Variants in FMNL3 observed in about 807,000 individuals in gnomAD.
The protein encoded by FMNL3 is formin-like protein 3.
In FMNL3, 57 loss-of-function variants were observed where a neutral mutation model predicts 119.6. The observed-to-expected ratio is 0.48, with a 90% CI of 0.39 to 0.59. The LOEUF is 0.59. Ranked by LOEUF, FMNL3 falls within the 20% of genes least tolerant of loss-of-function variation. FMNL3 has a pLI of 0.00. For missense variants in FMNL3, 1,053 were observed against 1,323.5 expected (o/e 0.80, Z 3.17); for synonymous variants, 491 against 507.3 (o/e 0.97, Z 0.43).
rs375733550 is a variant in FMNL3 at position 49,643,988 on chromosome 12, G to C, written c.*1827C>G. ...CTCCCTAACCGTTCCCCAGGCTTTG[G>C]AATCAAGAAGGAGAAGGTGAGGGGC... On this transcript the variant is annotated 3_prime_UTR_variant, in exon 26 of 26. Coordinates refer to ENST00000335154, the MANE Select transcript of FMNL3 (RefSeq NM_175736.5). 6.2e-6 allele frequency: 10 copies of C among 1,614,158 alleles called. No homozygotes were observed. In the South Asian group the frequency reaches 9.9e-5, roughly 16 times the overall value.
At position 49,642,494 on chromosome 12, in the gene FMNL3, G is replaced by A. The variant is rs1942806987; in HGVS notation, c.*3321C>T. On this transcript the variant is annotated 3_prime_UTR_variant, in exon 26 of 26. Transcript: ENST00000335154. The surrounding 1 kb of genome is among the most constrained non-coding windows in gnomAD (Gnocchi z 5.8). Reference sequence around the variant, plus strand: ...CAGCTCCAGTTCCCTTCCTTTCTCTGCCCCAGCCCTGCCCTGTGCTCATGG... The same window carrying A: ...CAGCTCCAGTTCCCTTCCTTTCTCTACCCCAGCCCTGCCCTGTGCTCATGG... 6.3e-7 allele frequency: 1 copy of A among 1,580,414 alleles called. No homozygotes were observed. The highest frequency in any genetic ancestry group is 8.7e-7 in the Non-Finnish European group (1 of 1,151,822).
intron 1 of FMNL3, among the ~76,000 whole-genome samples, chr12:49,679,438 T>C (rs1015765043): frequency 6.6e-6 from 1 of 151,906 alleles, no homozygotes; most frequent in Admixed American, 6.6e-5. Context: ...TGTGCATTCC[T>C]TCCTCTGAAT....
rs1343610019 is a variant in FMNL3 at position 49,644,711 on chromosome 12, G to C, written c.*1104C>G. On this transcript the variant is annotated 3_prime_UTR_variant, in exon 26 of 26. Coordinates refer to ENST00000335154, the MANE Select transcript of FMNL3 (RefSeq NM_175736.5). The stretch of plus-strand genomic sequence containing the variant: ...TGCTACTGGGGCAGGCTGGGGACTG[G>C]ACACATGCCCAGCAGAGGGCACTAG... The C allele has an allele frequency of 1.2e-5, 2 of 171,280 alleles. No individual in the cohort carries two copies. Among genetic ancestry groups the C allele is most frequent in the African/African-American group, 4.8e-5 (2 of 41,952 alleles). 10.6% of individuals were successfully genotyped at this position (171,280 alleles called of 1,614,324 possible). A position where few individuals can be genotyped will look rare whatever the true frequency, so the allele number is the denominator to read the frequency against.
Position 49,656,871 on chromosome 12 carries a change from G to A in FMNL3, c.743C>T (p.Pro248Leu). The A allele has an allele frequency of 6.2e-7, 1 of 1,614,140 alleles. No homozygotes were observed. Among genetic ancestry groups the A allele is most frequent in the Non-Finnish European group, 8.5e-7 (1 of 1,180,012 alleles). The change falls in exon 8 of 26, where the codon CCC becomes CTC. Residue 248 changes from proline (P) to leucine (L), a missense_variant. Physicochemically the swap from Pro to Leu is moderately conservative, Grantham distance 98. This residue lies in a region of FMNL3 where 445 missense variants were observed against 628.4 expected (regional missense o/e 0.71). Coordinates refer to ENST00000335154, the MANE Select transcript of FMNL3 (RefSeq NM_175736.5). Reference protein sequence around the residue: ...QYGFNLVMSHPHAVNEIALSL... With the variant: ...QYGFNLVMSHLHAVNEIALSL... ...AAGTGCAATCTCATTGACAGCATGG[G>A]GGTGGGACATGACCAGGTTGAATCC...
intron 1 of FMNL3, among the ~76,000 whole-genome samples, chr12:49,694,605 A>G (rs542856618): frequency 6.6e-6 from 1 of 152,320 alleles, no homozygotes; most frequent in South Asian, 2.1e-4. Context: ...TTTCACCCAG[A>G]TAATTAGTAT....
chr12:49,655,146 C>G (rs917046352), intron 9 of FMNL3, among the ~76,000 whole-genome samples, 162 bp from the exon 10 acceptor site: 1 of 152,120 alleles, frequency 6.6e-6, no homozygotes, highest in Non-Finnish European at 1.5e-5. Flanking sequence ...AAAAGAAAAC[C>G]TGGGGCCAGG....
rs532941939 is a variant in FMNL3, at chr12:49,671,782, C to G, written c.127-3228G>C. 3.0e-3 allele frequency among the ~76,000 whole-genome samples: 463 copies of G among 152,308 alleles called. 2 individuals carry two copies. Among genetic ancestry groups the G allele is most frequent in the Non-Finnish European group, 5.0e-3 (342 of 68,020 alleles). Reference sequence around the variant, plus strand: ...TTTTTCTTCAGTGGTTCCACAGACACTGTAGGCTCCCAGAAGGCAGAAGCT... The same window carrying G: ...TTTTTCTTCAGTGGTTCCACAGACAGTGTAGGCTCCCAGAAGGCAGAAGCT... On this transcript the variant is annotated intron_variant, in intron 1 of 25. Transcript: ENST00000335154.
intron 1 of FMNL3, among the ~76,000 whole-genome samples, chr12:49,693,002 G>A (rs1944646430): frequency 6.6e-6 from 1 of 152,168 alleles, no homozygotes. Flanking sequence ...ACGAAAGAGG[G>A]CTAATGTGGA....
At chr12:49,678,597 G>A (rs912208579) in intron 1 of FMNL3, among the ~76,000 whole-genome samples, 1 of 152,080 alleles carries the variant, frequency 6.6e-6, no homozygotes, top group African/African-American at 2.4e-5. Context: ...CAAGTAGCTA[G>A]GACTACAGGT....
chr12:49,690,616 C>T (rs1338871197), intron 1 of FMNL3, among the ~76,000 whole-genome samples: 2 of 152,134 alleles, frequency 1.3e-5, no homozygotes, highest in African/African-American at 2.4e-5. Flanking sequence ...TAGCTAAGAT[C>T]CAAACCCAAA....
Position 49,643,371 on chromosome 12 carries a change from C to G in FMNL3, c.*2444G>C. ...GGTGCTGCCCTTGGAGGACGGGGCT[C>G]CCCTTCCTCCCATCTTCTTGGAGCA... is the stretch of plus-strand genomic sequence containing the variant. On this transcript the variant is annotated 3_prime_UTR_variant, in exon 26 of 26. Transcript: ENST00000335154. The G allele has an allele frequency of 6.4e-7, 1 of 1,573,074 alleles. No individual in the cohort carries two copies. The highest frequency in any genetic ancestry group is 8.6e-7 in the Non-Finnish European group (1 of 1,160,980).
chr12:49,682,543 T>G (rs181840946), intron 1 of FMNL3, among the ~76,000 whole-genome samples: 19 of 152,124 alleles, frequency 1.2e-4, no homozygotes, highest in Admixed American at 1.2e-3. Context: ...GACAAGGTCT[T>G]GCTATGTTGC....
At chr12:49,677,985 C>T (rs1364552791) in intron 1 of FMNL3, among the ~76,000 whole-genome samples, 2 of 152,124 alleles carry the variant, frequency 1.3e-5, no homozygotes, top group African/African-American at 4.8e-5. Context: ...GCCTCAGCCT[C>T]CCAAGTAGCT....
intron 25 of FMNL3, among the ~76,000 whole-genome samples, chr12:49,646,160 GA>G (rs944093428): frequency 6.6e-6 from 1 of 152,154 alleles, no homozygotes; most frequent in African/African-American, 2.4e-5. Context: ...GATGCATTCA[GA>G]AAGAGCCAGA....
At chr12:49,650,527 C>T (rs1416692080) in intron 17 of FMNL3, 149 bp downstream of exon 17, 1 of 851,800 alleles carries the variant, frequency 1.2e-6, no homozygotes, top group South Asian at 1.7e-5. Context: ...AGCACAGATG[C>T]AGTAAATTCT....
intron 15 of FMNL3, 22 bp from the exon 16 acceptor site, chr12:49,651,314 T>G (rs1943391797): frequency 6.2e-7 from 1 of 1,608,736 alleles, no homozygotes; most frequent in South Asian, 1.1e-5. Context: ...GGAGGATCAG[T>G]GACACAGGGG....
chr12:49,679,510 C>T (rs1003642850), intron 1 of FMNL3, among the ~76,000 whole-genome samples: 2 of 147,730 alleles, frequency 1.4e-5, no homozygotes, highest in Non-Finnish European at 3.0e-5. Flanking sequence ...CTTGGAACAG[C>T]ATTTGTGTCT....
At chr12:49,662,747 A>G (rs906431053) in intron 4 of FMNL3, among the ~76,000 whole-genome samples, 1 of 152,226 alleles carries the variant, frequency 6.6e-6, no homozygotes, top group African/African-American at 2.4e-5. Flanking sequence ...AAGGTAGACA[A>G]CAAAGCACCT....
intron 1 of FMNL3, among the ~76,000 whole-genome samples, chr12:49,671,096 A>G (rs1944033138): frequency 6.6e-6 from 1 of 152,258 alleles, no homozygotes. Flanking sequence ...TGTGGCAGAC[A>G]TCACATCCTG....
Sources: allele counts gnomAD v4.1 joint callset (sites outside exome capture counted in the v4.1 genomes callset), GRCh38; gene constraint gnomAD v4.1.1; regional missense constraint gnomAD v4.1.1; non-coding constraint Gnocchi (gnomAD v3.1); transcripts MANE v1.5; gene names NCBI Gene and HGNC (gene_info 2026-07-23, HGNC 2026-07-21).